Variants in RBFOX1 observed in about 807,000 individuals in gnomAD.
RBFOX1 encodes RNA binding protein fox-1 homolog 1.
A neutral mutation model predicts 57.7 loss-of-function variants in RBFOX1; 8 were observed. The observed-to-expected ratio is 0.14, with a 90% confidence interval of 0.08 to 0.25. The LOEUF is 0.25. RBFOX1 is among the 10% of genes least tolerant of loss of function. RBFOX1 has a pLI of 1.00. For synonymous variants in RBFOX1, 326 were observed against 222.4 expected, an observed-to-expected ratio of 1.47 and a Z score of -4.15; for missense variants, 611 against 548.5, an observed-to-expected ratio of 1.11 and a Z score of -1.14.
At chr16:6,441,816 C>A (rs1044474462) in intron 2 of RBFOX1, among the ~76,000 whole-genome samples, 2 of 152,188 alleles carry the variant, frequency 1.3e-5, no homozygotes, top group African/African-American at 2.4e-5. Flanking sequence ...GAGAGATGGA[C>A]TAAACACTCT....
intron 3 of RBFOX1, among the ~76,000 whole-genome samples, chr16:6,877,958 A>AG (rs2062148569): frequency 6.6e-6 from 1 of 152,144 alleles, no homozygotes; most frequent in Non-Finnish European, 1.5e-5. Flanking sequence ...AGCAAAAAGT[A>AG]GGGGATAAGG....
chr16:7,255,634 C>G (rs1024231593), intron 4 of RBFOX1, among the ~76,000 whole-genome samples: 1 of 151,954 alleles, frequency 6.6e-6, no homozygotes, highest in Non-Finnish European at 1.5e-5. Flanking sequence ...CAGCACTGTT[C>G]AGTAGAAATA....
intron 4 of RBFOX1, among the ~76,000 whole-genome samples, chr16:5,918,372 C>T (rs569490007): frequency 1.6e-3 from 243 of 152,280 alleles, no homozygotes; most frequent in African/African-American, 5.4e-3. Context: ...CACTCGCCTT[C>T]GCCTCCCAAA....
At chr16:6,289,841 A>T (rs1182181305) in intron 1 of RBFOX1, among the ~76,000 whole-genome samples, 1 of 152,210 alleles carries the variant, frequency 6.6e-6, no homozygotes, top group East Asian at 1.9e-4. Flanking sequence ...AATGAATAAT[A>T]CAAAGAATCA....
At chr16:5,325,624 C>G (rs2064548715) in intron 1 of RBFOX1, among the ~76,000 whole-genome samples, 1 of 152,186 alleles carries the variant, frequency 6.6e-6, no homozygotes, top group Admixed American at 6.5e-5. Flanking sequence ...ATCCACTCAT[C>G]TGTTCTTTGT....
chr16:6,160,689 G>A (rs1481653517), intron 1 of RBFOX1, among the ~76,000 whole-genome samples: 2 of 152,154 alleles, frequency 1.3e-5, no homozygotes, highest in African/African-American at 2.4e-5. Context: ...TTGCTTGCAA[G>A]GCTCTGCATA....
intron 10 of RBFOX1, among the ~76,000 whole-genome samples, chr16:7,612,433 T>C (rs573239523): frequency 6.6e-6 from 1 of 151,464 alleles, no homozygotes; most frequent in South Asian, 2.1e-4. Flanking sequence ...CTTTAGAGTT[T>C]AAGTAAAATC....
intron 3 of RBFOX1, among the ~76,000 whole-genome samples, chr16:6,992,074 CAG>C (rs781228004): frequency 5.8e-4 from 89 of 152,206 alleles, no homozygotes; most frequent in Middle Eastern, 3.4e-3. Flanking sequence ...CTGTCTTTGC[CAG>C]AGTTTCACCC....
chr16:7,200,707 T>G (rs1021486767), intron 4 of RBFOX1, among the ~76,000 whole-genome samples: 9 of 152,148 alleles, frequency 5.9e-5, no homozygotes, highest in African/African-American at 2.2e-4. Flanking sequence ...TAATGCTGTG[T>G]TCCTCGGCTT....
intron 4 of RBFOX1, among the ~76,000 whole-genome samples, chr16:7,387,539 G>A (rs573966307): frequency 4.9e-4 from 75 of 152,314 alleles, no homozygotes; most frequent in African/African-American, 1.6e-3. Context: ...CTGGCAAGAA[G>A]AGAGTGGCAC....
At chr16:7,441,777 C>T (rs1242060576) in intron 4 of RBFOX1, among the ~76,000 whole-genome samples, 1 of 152,184 alleles carries the variant, frequency 6.6e-6, no homozygotes, top group Non-Finnish European at 1.5e-5. Context: ...TGGAGATGAG[C>T]TTTCCACTCC....
intron 1 of RBFOX1, among the ~76,000 whole-genome samples, chr16:5,405,641 C>G (rs2066844520): frequency 6.6e-6 from 1 of 152,134 alleles, no homozygotes; most frequent in Non-Finnish European, 1.5e-5. Context: ...ATGAATAAAT[C>G]AGTGCTCATA....
chr16:5,603,530 C>G (rs182124540), downstream of RBFOX1, among the ~76,000 whole-genome samples: 1 of 152,238 alleles, frequency 6.6e-6, no homozygotes, highest in East Asian at 1.9e-4. Flanking sequence ...AAAGTTAATT[C>G]CAGAGTCATC....
intron 3 of RBFOX1, among the ~76,000 whole-genome samples, chr16:6,935,648 C>T (rs1049100133): frequency 1.3e-5 from 2 of 152,200 alleles, no homozygotes; most frequent in Admixed American, 1.3e-4. Context: ...ACTTTGCTGA[C>T]ATCTTATTCT....
At chr16:6,887,927 G>A (rs957079251) in intron 3 of RBFOX1, among the ~76,000 whole-genome samples, 8 of 152,088 alleles carry the variant, frequency 5.3e-5, no homozygotes, top group African/African-American at 1.9e-4. Context: ...CTCCCAAAGT[G>A]CTGGGATTAT....
At chr16:6,427,376 AT>A (rs1304568647) in intron 2 of RBFOX1, among the ~76,000 whole-genome samples, 3 of 152,170 alleles carry the variant, frequency 2.0e-5, no homozygotes, top group Admixed American at 1.3e-4. Context: ...CGGTTCCCAC[AT>A]TGTTGAAATA....
At chr16:5,975,255 C>T (rs2060038598) in intron 4 of RBFOX1, among the ~76,000 whole-genome samples, 1 of 152,186 alleles carries the variant, frequency 6.6e-6, no homozygotes, top group African/African-American at 2.4e-5. Flanking sequence ...AACTGCATCG[C>T]TATCCTGCAC....
intron 2 of RBFOX1, among the ~76,000 whole-genome samples, chr16:6,452,837 A>T (rs2094665844): frequency 6.6e-6 from 1 of 152,146 alleles, no homozygotes; most frequent in Non-Finnish European, 1.5e-5. Context: ...GAGGAAAATA[A>T]TTATGCCTAC....
At chr16:6,933,497 G>A (rs1013285948) in intron 3 of RBFOX1, among the ~76,000 whole-genome samples, 1 of 152,194 alleles carries the variant, frequency 6.6e-6, no homozygotes, top group Non-Finnish European at 1.5e-5. Context: ...CAGATCACCT[G>A]AGGTCAGGAG....
Sources: allele counts gnomAD v4.1 joint callset (sites outside exome capture counted in the v4.1 genomes callset), GRCh38; gene constraint gnomAD v4.1.1; transcripts MANE v1.5; gene names NCBI Gene and HGNC (gene_info 2026-07-23, HGNC 2026-07-21).